The following TSPAN33 variants were observed in gnomAD, a reference collection of about 807,000 sequenced individuals.
TSPAN33 encodes the protein tetraspanin-33.
In TSPAN33, 27 loss-of-function variants were observed where a neutral mutation model predicts 34.8. The ratio of observed to expected loss-of-function variants is 0.78; its 90% CI spans 0.57 to 1.07. TSPAN33 has a LOEUF of 1.07. Among genes scored for constraint, TSPAN33 ranks in the 50% least tolerant of loss-of-function variants. The pLI is 0.00. For missense variants in TSPAN33, 272 were observed against 324.9 expected, an observed-to-expected ratio of 0.84 and a Z score of 1.25; for synonymous variants, 119 against 124.2, an observed-to-expected ratio of 0.96 and a Z score of 0.28.
chr7:129,168,168 T>G lies in TSPAN33; in HGVS notation c.*294T>G. On this transcript the variant is annotated 3_prime_UTR_variant, in exon 8 of 8. Transcript: ENST00000486685. The stretch of plus-strand genomic sequence containing the variant: ...TGGGAAACAGCAGTTGCACAGAGAG[T>G]TGGGGGTACTGCTGCTGCCTTTTCA... 1 of 362,338 alleles carries G rather than the reference T, an allele frequency of 2.8e-6. No individual in the cohort carries two copies. The highest frequency in any genetic ancestry group is 3.5e-5 in the South Asian group (1 of 28,566). 22.4% of individuals were successfully genotyped at this position (362,338 alleles called of 1,614,324 possible).
intron 1 of TSPAN33, among the ~76,000 whole-genome samples, chr7:129,161,473 T>C (rs890530160): frequency 6.6e-6 from 1 of 152,186 alleles, no homozygotes; most frequent in Admixed American, 6.5e-5. Flanking sequence ...ACTGAATGAA[T>C]AATGAAAAAT....
rs200878333 is a variant in TSPAN33, at chr7:129,161,713, A to G, written c.137A>G (p.Tyr46Cys). ...ATGGTGATGGTGGCTGTGGGTGTCTACGCTCGGCTAATGAAGCATGCAGGT... is the reference window on the plus strand; with the variant it reads ...ATGGTGATGGTGGCTGTGGGTGTCTGCGCTCGGCTAATGAAGCATGCAGGT... ...ISMVMVAVGV[Y>C]ARLMKHAEAA... The change falls in exon 2 of 8, where the codon TAC becomes TGC. Residue 46 changes from tyrosine to cysteine, a missense_variant. Coordinates refer to ENST00000486685, the MANE Select transcript of TSPAN33 (RefSeq NM_178562.5). 5.6e-5 allele frequency: 90 copies of G among 1,614,058 alleles called. No homozygotes were observed. Among genetic ancestry groups the G allele is most frequent in the Non-Finnish European group, 6.7e-5 (79 of 1,180,002 alleles).
intron 1 of TSPAN33, among the ~76,000 whole-genome samples, chr7:129,160,647 G>T (rs1257353281): frequency 1.3e-5 from 2 of 152,200 alleles, no homozygotes; most frequent in East Asian, 1.9e-4. Context: ...GAAGATAAAG[G>T]TTCCTTTGCC....
In TSPAN33 at chr7:129,144,927, C is replaced by A. The variant is rs1275127503; in HGVS notation, c.-54C>A. On this transcript the variant is annotated 5_prime_UTR_variant, in exon 1 of 8. Coordinates refer to ENST00000486685, the MANE Select transcript of TSPAN33 (RefSeq NM_178562.5). ...GCCCCCGGGCGCGGGGCACACAGGC[C>A]GGCCGGCAGCCGCTGGGAAATAGGC... is the stretch of plus-strand genomic sequence containing the variant. 1 of 439,252 alleles carries A rather than the reference C, an allele frequency of 2.3e-6. No individual in the cohort carries two copies. The highest frequency in any genetic ancestry group is 4.0e-6 in the Non-Finnish European group (1 of 247,572). 27.2% of individuals were successfully genotyped at this position (439,252 alleles called of 1,614,324 possible). A position where few individuals can be genotyped will look rare whatever the true frequency, so the allele number is the denominator to read the frequency against.
intron 1 of TSPAN33, among the ~76,000 whole-genome samples, chr7:129,160,347 C>A (rs1301758621): frequency 6.6e-6 from 1 of 152,192 alleles, no homozygotes; most frequent in Non-Finnish European, 1.5e-5. Context: ...TTGGTCAAGA[C>A]CCTGCTGCTG....
chr7:129,166,962 A>G, intron 6 of TSPAN33, 56 bp downstream of exon 6: 2 of 1,587,376 alleles, frequency 1.3e-6, no homozygotes, highest in Non-Finnish European at 1.7e-6. Flanking sequence ...TCACTTTCTG[A>G]TGGGGGCAGC....
intron 4 of TSPAN33, among the ~76,000 whole-genome samples, chr7:129,163,380 G>A (rs1040648174): frequency 1.4e-5 from 2 of 145,548 alleles, no homozygotes; most frequent in Non-Finnish European, 3.0e-5. Context: ...TAAGAGATGG[G>A]AGTCTCACTA....
At chr7:129,160,943 G>A (rs1343612565) in intron 1 of TSPAN33, among the ~76,000 whole-genome samples, 1 of 152,200 alleles carries the variant, frequency 6.6e-6, no homozygotes, top group Non-Finnish European at 1.5e-5. Context: ...CATTATTTTA[G>A]TTGGTTCTTA....
In TSPAN33 at chr7:129,165,667, T is replaced by G. The variant is rs1584641721; in HGVS notation, c.459+1098T>G. On this transcript the variant is annotated intron_variant, in intron 5 of 7. Transcript: ENST00000486685. The surrounding 1 kb of genome is among the most constrained non-coding windows in gnomAD (Gnocchi z 4.5). ...GCTTACATCTGTAATCCCAGCACTT[T>G]GGGAGGCCAAGGCAGGCAGATCATT... Among the ~76,000 whole-genome samples, 2 of 152,302 alleles carry G rather than the reference T, an allele frequency of 1.3e-5. No individual in the cohort carries two copies.
chr7:129,160,331 A>C (rs1002212093), intron 1 of TSPAN33, among the ~76,000 whole-genome samples: 2 of 151,838 alleles, frequency 1.3e-5, no homozygotes, highest in Admixed American at 6.6e-5. Context: ...CTCCTTCCCC[A>C]CTGAGTTGGT....
At chr7:129,164,330 G>T (rs2150627951) in intron 4 of TSPAN33, 144 bp from the exon 5 acceptor site, 1 of 713,888 alleles carries the variant, frequency 1.4e-6, no homozygotes, top group Admixed American at 2.1e-5. Context: ...AACTGAACCG[G>T]CTATCTTCCA....
chr7:129,153,639 G>A (rs1466750662), intron 1 of TSPAN33, among the ~76,000 whole-genome samples: 1 of 50,736 alleles, frequency 2.0e-5, no homozygotes, highest in African/African-American at 6.6e-5. Flanking sequence ...CACAGTAATA[G>A]TGTATTAAAG....
intron 1 of TSPAN33, among the ~76,000 whole-genome samples, chr7:129,157,117 T>A (rs1339282622): frequency 6.6e-6 from 1 of 152,156 alleles, no homozygotes; most frequent in African/African-American, 2.4e-5. Flanking sequence ...CATAAGGATT[T>A]TACAGAAAAT....
At chr7:129,159,292 C>T (rs550946726) in intron 1 of TSPAN33, among the ~76,000 whole-genome samples, 1 of 152,318 alleles carries the variant, frequency 6.6e-6, no homozygotes, top group South Asian at 2.1e-4. Flanking sequence ...AACTCCTGAC[C>T]TCGTGATCCA....
Position 129,162,384 on chromosome 7 carries a change from C to T in TSPAN33, c.161-10C>T, listed in dbSNP as rs537857086. ...ACCAGGCTCAGGCTGAGGGCCGGCT[C>T]CTTTTCCAGAAGCAGCCCTAGCCTG... On this transcript the variant is annotated splice_polypyrimidine_tract_variant and intron_variant, in intron 2 of 7. Transcript: ENST00000486685. 2.5e-6 allele frequency: 4 copies of T among 1,611,654 alleles called. No homozygotes were observed. The highest frequency in any genetic ancestry group is 1.7e-5 in the Admixed American group (1 of 60,032).
intron 1 of TSPAN33, among the ~76,000 whole-genome samples, chr7:129,157,125 A>G (rs1275314382): frequency 1.3e-5 from 2 of 152,168 alleles, no homozygotes; most frequent in Non-Finnish European, 2.9e-5. Context: ...TTTTACAGAA[A>G]ATTCTAGCAT....
chr7:129,157,032 G>A (rs1425183839), intron 1 of TSPAN33, among the ~76,000 whole-genome samples: 1 of 152,196 alleles, frequency 6.6e-6, no homozygotes, highest in African/African-American at 2.4e-5. Flanking sequence ...AATGTGAAAA[G>A]CTATCCAAAG....
At position 129,167,723 on chromosome 7, in the gene TSPAN33, C is replaced by T. The variant is rs753241938; in HGVS notation, c.751-50C>T. 8 of 1,599,122 alleles carry T rather than the reference C, an allele frequency of 5.0e-6. No individual in the cohort carries two copies. In the Admixed American group the frequency reaches 1.0e-4, roughly 20 times the overall value. ...ACTGGGAAGATCGAGCCAGGGAAAA[C>T]AAGGCCATCACTCACTGCTGAGTGC... On this transcript the variant is annotated intron_variant, in intron 7 of 7. Transcript: ENST00000486685. This position sits in a 1 kb window ranked among gnomAD's most constrained non-coding sequence, Gnocchi z 4.6.
At chr7:129,162,284 T>C in intron 2 of TSPAN33, 110 bp from the exon 3 acceptor site, 1 of 1,517,816 alleles carries the variant, frequency 6.6e-7, no homozygotes, top group Non-Finnish European at 8.9e-7. Context: ...CCAACCATAA[T>C]GGAGATTCCC....
Sources: allele counts gnomAD v4.1 joint callset (sites outside exome capture counted in the v4.1 genomes callset), GRCh38; gene constraint gnomAD v4.1.1; non-coding constraint Gnocchi (gnomAD v3.1); transcripts MANE v1.5; gene names NCBI Gene and HGNC (gene_info 2026-07-23, HGNC 2026-07-21).